The following STK38 variants were observed in gnomAD, a reference collection of about 807,000 sequenced individuals.
The protein encoded by STK38 is serine/threonine-protein kinase 38.
In STK38, 26 loss-of-function variants were observed where a neutral mutation model predicts 59.0. The observed-to-expected ratio is 0.44, with a 90% CI of 0.32 to 0.61. The LOEUF (loss-of-function observed/expected upper bound fraction) is 0.61. STK38 is among the 20% of genes least tolerant of loss of function. The pLI is 0.04. For synonymous variants in STK38, 175 were observed against 176.6 expected, an observed-to-expected ratio of 0.99 and a Z score of 0.07; for missense variants, 433 against 566.0, an observed-to-expected ratio of 0.76 and a Z score of 2.38.
At chr6:36,537,044 G>A (rs1777809310) in intron 2 of STK38, among the ~76,000 whole-genome samples, 2 of 152,088 alleles carry the variant, frequency 1.3e-5, no homozygotes, top group African/African-American at 4.8e-5. Context: ...GGTCTGATAT[G>A]TAGGACAAAC....
intron 2 of STK38, among the ~76,000 whole-genome samples, chr6:36,536,273 C>G (rs1488555391): frequency 6.6e-6 from 1 of 152,136 alleles, no homozygotes; most frequent in Non-Finnish European, 1.5e-5. Flanking sequence ...TCATATCATA[C>G]ACATCTATTA....
rs58320889 is a variant in STK38 at position 36,541,831 on chromosome 6, C to CT, written c.-5-1625dup. On this transcript the variant is annotated intron_variant, in intron 1 of 13. Coordinates refer to ENST00000229812, the MANE Select transcript of STK38 (RefSeq NM_007271.4). ...GTGCTTTTTCCATGTTTTTCTTTTTCTTTTTTTTTTTTTTTGAGATGGAGT... is the reference window on the plus strand; with the variant it reads ...GTGCTTTTTCCATGTTTTTCTTTTTCTTTTTTTTTTTTTTTTGAGATGGAGT... Among the ~76,000 whole-genome samples, 540 of 135,908 alleles carry CT rather than the reference C, an allele frequency of 4.0e-3. 1 individual carries two copies. The highest frequency in any genetic ancestry group is 4.8e-3 in the Non-Finnish European group (309 of 63,800). The allele number at this position is 135,908 out of a possible 152,430, so 89.2% of individuals were successfully genotyped here.
rs755718782 is a variant in STK38 at position 36,506,591 on chromosome 6, G to A, written c.826C>T (p.Arg276Cys). 8.1e-6 allele frequency: 13 copies of A among 1,613,252 alleles called. No homozygotes were observed. The highest frequency in any genetic ancestry group is 1.1e-5 in the South Asian group (1 of 91,022). ...RKAETWKRNR[R>C]QLAFSTVGTP... Reference sequence around the variant, plus strand: ...CCACAGATATTACTTACTAGCTGACGTCTATTTCTTTTCCAGGTTTCTGCT... The same window carrying A: ...CCACAGATATTACTTACTAGCTGACATCTATTTCTTTTCCAGGTTTCTGCT... The change falls in exon 9 of 14, where the codon CGT (arginine) becomes TGT (cysteine). Residue 276 changes from arginine to cysteine, a missense_variant. Around this residue, in one of 3 missense-constraint regions of STK38, gnomAD observed 293 missense variants for 388.2 expected, o/e 0.75. Coordinates refer to ENST00000229812, the MANE Select transcript of STK38 (RefSeq NM_007271.4).
chr6:36,546,956 T>G (rs1778065512), intron 1 of STK38, among the ~76,000 whole-genome samples: 7 of 148,636 alleles, frequency 4.7e-5, no homozygotes, highest in South Asian at 2.1e-4. Context: ...AAGGATGGGG[T>G]GGAAAGGCTG....
chr6:36,524,686 C>T (rs992008923), intron 3 of STK38, among the ~76,000 whole-genome samples: 8 of 152,188 alleles, frequency 5.3e-5, no homozygotes, highest in African/African-American at 1.9e-4. Context: ...ATGGGTGCCT[C>T]CTCTGGGAAC....
At chr6:36,525,282 T>C (rs941379214) in intron 3 of STK38, among the ~76,000 whole-genome samples, 9 of 152,112 alleles carry the variant, frequency 5.9e-5, no homozygotes, top group African/African-American at 1.9e-4. Context: ...CTACGGAGAC[T>C]TTTCAGTGAA....
At chr6:36,535,328 A>G (rs1777763467) in intron 2 of STK38, among the ~76,000 whole-genome samples, 1 of 152,022 alleles carries the variant, frequency 6.6e-6, no homozygotes. Flanking sequence ...AGGTGCCTGT[A>G]GTCCCAGCTA....
intron 7 of STK38, among the ~76,000 whole-genome samples, chr6:36,514,302 A>G (rs534579393): frequency 6.9e-6 from 1 of 145,024 alleles, no homozygotes; most frequent in Non-Finnish European, 1.5e-5. Context: ...TGACAGAATG[A>G]GACCGTCTCA....
intron 10 of STK38, 43 bp downstream of exon 10, chr6:36,499,830 T>C (rs1776794719): frequency 6.8e-7 from 1 of 1,474,886 alleles, no homozygotes; most frequent in African/African-American, 1.4e-5. Context: ...TAAAAGTCTG[T>C]CATGGATGCA....
intron 2 of STK38, 95 bp from the exon 3 acceptor site, chr6:36,525,737 GAC>G: frequency 1.1e-6 from 1 of 946,590 alleles, no homozygotes; most frequent in Non-Finnish European, 1.6e-6. Flanking sequence ...TTTTAAAAAT[GAC>G]ACAAACAGGT....
chr6:36,514,967 G>C (rs1027145420), intron 7 of STK38, among the ~76,000 whole-genome samples: 4 of 151,986 alleles, frequency 2.6e-5, no homozygotes, highest in Non-Finnish European at 5.9e-5. Flanking sequence ...TTCTTGGCTG[G>C]GTTCCTCATT....
chr6:36,519,947 A>AG (rs1318813840), intron 5 of STK38, among the ~76,000 whole-genome samples: 1 of 152,214 alleles, frequency 6.6e-6, no homozygotes, highest in African/African-American at 2.4e-5. Context: ...CTCAGTGGGT[A>AG]GCTTTAATTC....
intron 2 of STK38, among the ~76,000 whole-genome samples, chr6:36,530,661 C>CCGGCCTTTT (rs1777644704): frequency 6.6e-6 from 1 of 150,670 alleles, no homozygotes; most frequent in South Asian, 2.1e-4. Context: ...GCCACCACAC[C>CCGGCCTTTT]CGGCCTTTTT....
intron 5 of STK38, among the ~76,000 whole-genome samples, chr6:36,521,401 G>GT (rs906527883): frequency 6.6e-6 from 1 of 151,668 alleles, no homozygotes; most frequent in African/African-American, 2.4e-5. Context: ...TCAGCATTTG[G>GT]TAAGAAACAC....
rs1776758606 is a variant in STK38, at chr6:36,498,446, A to G, written c.993T>C (p.Tyr331=). The part of the protein sequence containing the change: ...PFCSETPQET[Y]KKVMNWKETL... Reference sequence around the variant, plus strand: ...TTTCTTTCCAGTTCATCACCTTCTTATATGTCTCTTGAGGGGTCTCAGAAC... The same window carrying G: ...TTTCTTTCCAGTTCATCACCTTCTTGTATGTCTCTTGAGGGGTCTCAGAAC... The change falls in exon 11 of 14, where the codon TAT becomes TAC. Residue 331 remains tyrosine, a synonymous_variant. Coordinates refer to ENST00000229812, the MANE Select transcript of STK38 (RefSeq NM_007271.4). The G allele has an allele frequency of 1.2e-6, 2 of 1,613,960 alleles. No individual in the cohort carries two copies. The highest frequency in any genetic ancestry group is 1.7e-5 in the Admixed American group (1 of 59,954).
At chr6:36,539,551 C>A (rs1777881192) in intron 2 of STK38, among the ~76,000 whole-genome samples, 1 of 152,114 alleles carries the variant, frequency 6.6e-6, no homozygotes, top group Non-Finnish European at 1.5e-5. Flanking sequence ...CCAACACAAT[C>A]CTGCAAGGCA....
intron 1 of STK38, among the ~76,000 whole-genome samples, chr6:36,540,492 T>C (rs1224538845): frequency 6.6e-6 from 1 of 152,240 alleles, no homozygotes; most frequent in Non-Finnish European, 1.5e-5. Flanking sequence ...ATGTTCATCA[T>C]GCCTTAATTT....
chr6:36,525,576 G>A lies in STK38; in HGVS notation c.183+15C>T. 1 of 1,611,838 alleles carries A rather than the reference G, an allele frequency of 6.2e-7. No individual in the cohort carries two copies. ...CACGCTGGGTTTTAAGGAAAACATT[G>A]CCAATATTAATTACCTCCTCATCTT... On this transcript the variant is annotated intron_variant, in intron 3 of 13. Transcript: ENST00000229812.
intron 5 of STK38, 106 bp from the exon 6 acceptor site, chr6:36,517,946 T>G (rs1490190549): frequency 4.6e-5 from 63 of 1,359,624 alleles, no homozygotes; most frequent in Non-Finnish European, 5.8e-5. Flanking sequence ...TTTTGAGTAT[T>G]TAATCGTGAT....
Sources: gnomAD v4.1 joint callset for allele counts (sites outside exome capture counted in the v4.1 genomes callset) on GRCh38, gnomAD v4.1.1 for gene constraint, gnomAD v4.1.1 regional missense constraint, MANE v1.5 for transcripts, NCBI Gene and HGNC (gene_info 2026-07-23, HGNC 2026-07-21) for gene names.